PCDHGB2: variants seen among roughly 807,000 people sequenced by gnomAD.
PCDHGB2 encodes protocadherin gamma-B2.
PCDHGB2 carries 55 observed loss-of-function variants against 59.3 expected under a neutral mutation model. The ratio of observed to expected loss-of-function variants is 0.93; its 90% CI spans 0.75 to 1.16. PCDHGB2 has a LOEUF of 1.16. PCDHGB2 is among the 50% of genes most tolerant of loss of function. PCDHGB2 has a pLI of 0.00. For synonymous variants in PCDHGB2, 516 were observed against 512.0 expected, an observed-to-expected ratio of 1.01 and a Z score of -0.11; for missense variants, 1,228 against 1,198.5, an observed-to-expected ratio of 1.02 and a Z score of -0.36.
intron 1 of PCDHGB2, among the ~76,000 whole-genome samples, chr5:141,457,480 G>T (rs566798464): frequency 6.6e-6 from 1 of 152,148 alleles, no homozygotes; most frequent in African/African-American, 2.4e-5. Context: ...GCAGGGCCAG[G>T]GTTAGTCTAA....
intron 1 of PCDHGB2, chr5:141,370,596 G>C: frequency 6.2e-7 from 1 of 1,613,936 alleles, no homozygotes; most frequent in Non-Finnish European, 8.5e-7. Flanking sequence ...GAACCTGCGG[G>C]TTATTGCAGA....
chr5:141,472,494 C>T (rs561045783), intron 1 of PCDHGB2, among the ~76,000 whole-genome samples: 9 of 151,168 alleles, frequency 6.0e-5, no homozygotes, highest in South Asian at 2.1e-4. Context: ...GAGACGAGAT[C>T]GTGCCACTGC....
chr5:141,454,779 A>G (rs1387404898), intron 1 of PCDHGB2, among the ~76,000 whole-genome samples: 2 of 146,092 alleles, frequency 1.4e-5, no homozygotes, highest in African/African-American at 2.6e-5. Context: ...ACAAGGAAAT[A>G]ATCCTCCATG....
At chr5:141,510,238 A>C (rs2099880007) in intron 3 of PCDHGB2, among the ~76,000 whole-genome samples, 1 of 149,340 alleles carries the variant, frequency 6.7e-6, no homozygotes, top group Non-Finnish European at 1.5e-5. Flanking sequence ...GCGCCACTGC[A>C]CTCCAGGCTG....
Position 141,491,382 on chromosome 5 carries a change from G to T in PCDHGB2, c.2422-3425G>T, listed in dbSNP as rs918558. 0.21 allele frequency: 331,798 copies of T among 1,613,774 alleles called. 36,318 individuals are homozygous for T. The highest frequency in any genetic ancestry group is 0.37 in the Admixed American group (22,359 of 60,012). ...TAGTCACCTTCACCTTTCTGTCAGC[G>T]AAGTGCCTTCAGGGAAACGCAGACG... is the stretch of plus-strand genomic sequence containing the variant. On this transcript the variant is annotated intron_variant, in intron 1 of 3. Transcript: ENST00000522605. This position sits in a 1 kb window ranked among gnomAD's most constrained non-coding sequence, Gnocchi z 6.9.
intron 1 of PCDHGB2, chr5:141,379,157 G>A (rs962500873): frequency 1.3e-5 from 2 of 152,168 alleles, no homozygotes; most frequent in Non-Finnish European, 2.9e-5. Flanking sequence ...ACCTGACTTT[G>A]TCAGTCTTCT....
At chr5:141,415,538 G>A in intron 1 of PCDHGB2, 1 of 1,614,182 alleles carries the variant, frequency 6.2e-7, no homozygotes, top group Non-Finnish European at 8.5e-7. Flanking sequence ...AGCCAGGAGA[G>A]CTGTGAGAAA....
intron 1 of PCDHGB2, chr5:141,422,654 C>T: frequency 1.2e-6 from 2 of 1,610,030 alleles, no homozygotes; most frequent in Non-Finnish European, 1.7e-6. Flanking sequence ...TTCTCAGTGA[C>T]CGCCCTCGAC....
intron 1 of PCDHGB2, chr5:141,405,200 C>T (rs1458944760): frequency 2.5e-6 from 4 of 1,613,508 alleles, no homozygotes; most frequent in Non-Finnish European, 3.4e-6. Flanking sequence ...TCGAGCTTTC[C>T]TACAGACCTA....
chr5:141,364,258 C>G, intron 1 of PCDHGB2: 1 of 1,497,150 alleles, frequency 6.7e-7, no homozygotes, highest in East Asian at 2.3e-5. Flanking sequence ...GAATATGTAC[C>G]CATCGGCTTT....
chr5:141,457,020 C>A (rs2098903789), intron 1 of PCDHGB2, among the ~76,000 whole-genome samples: 1 of 152,086 alleles, frequency 6.6e-6, no homozygotes, highest in Non-Finnish European at 1.5e-5. Flanking sequence ...AATAAAAAGT[C>A]CTAGTAGACT....
At chr5:141,418,307 A>C (rs372854408) in intron 1 of PCDHGB2, 24 of 1,613,982 alleles carry the variant, frequency 1.5e-5, no homozygotes, top group Non-Finnish European at 2.0e-5. Context: ...CAGCCTGGGG[A>C]TGGGAACAAT....
intron 1 of PCDHGB2, chr5:141,393,614 C>G: frequency 6.2e-7 from 1 of 1,613,778 alleles, no homozygotes; most frequent in Non-Finnish European, 8.5e-7. Context: ...TAACAGCCAG[C>G]GACCCGGATG....
Position 141,485,256 on chromosome 5 carries a change from G to A in PCDHGB2, c.2422-9551G>A, listed in dbSNP as rs770176450. The A allele has an allele frequency of 6.2e-7, 1 of 1,614,186 alleles. No homozygotes were observed. Among genetic ancestry groups the A allele is most frequent in the Non-Finnish European group, 8.5e-7 (1 of 1,179,996 alleles). On this transcript the variant is annotated intron_variant, in intron 1 of 3. Transcript: ENST00000522605. The surrounding 1 kb of genome is among the most constrained non-coding windows in gnomAD (Gnocchi z 5.7). ...CTCTTTTACCACCTGGGTTACGTTTGTGGGCAGATCCGCTACCCGGTCCCA... is the reference window on the plus strand; with the variant it reads ...CTCTTTTACCACCTGGGTTACGTTTATGGGCAGATCCGCTACCCGGTCCCA...
intron 1 of PCDHGB2, chr5:141,384,294 C>G: frequency 6.2e-7 from 1 of 1,613,864 alleles, no homozygotes; most frequent in Non-Finnish European, 8.5e-7. Flanking sequence ...CTGAGAACAA[C>G]CCCAGAGGGG....
intron 1 of PCDHGB2, chr5:141,376,531 G>T (rs1240526589): frequency 3.7e-6 from 6 of 1,613,608 alleles, no homozygotes; most frequent in Non-Finnish European, 5.1e-6. Context: ...CGCCTAAGCG[G>T]GAAGAGTAAT....
chr5:141,405,176 G>A (rs917679696), intron 1 of PCDHGB2: 3 of 1,614,068 alleles, frequency 1.9e-6, no homozygotes, highest in Non-Finnish European at 2.5e-6. Context: ...ACACTTTGTG[G>A]GTGTAGATGG....
intron 1 of PCDHGB2, chr5:141,408,741 T>C: frequency 6.2e-7 from 1 of 1,610,092 alleles, no homozygotes; most frequent in Non-Finnish European, 8.5e-7. Context: ...TATTTTTCAT[T>C]AATGGTTAGA....
chr5:141,404,897 C>T, intron 1 of PCDHGB2: 2 of 1,613,920 alleles, frequency 1.2e-6, no homozygotes, highest in Non-Finnish European at 1.7e-6. Flanking sequence ...TGTACAGGAC[C>T]ATGGCCAGCC....
Sources: gnomAD v4.1 joint callset for allele counts (sites outside exome capture counted in the v4.1 genomes callset) on GRCh38, gnomAD v4.1.1 for gene constraint, Gnocchi (gnomAD v3.1) non-coding constraint, MANE v1.5 for transcripts, NCBI Gene and HGNC (gene_info 2026-07-23, HGNC 2026-07-21) for gene names.